The following TBCE variants were observed in gnomAD, a reference collection of about 807,000 sequenced individuals.
TBCE encodes tubulin-specific chaperone E.
A neutral mutation model predicts 77.0 loss-of-function variants in TBCE; 53 were observed. That is an observed-to-expected ratio of 0.69 (90% CI 0.55 to 0.87). The LOEUF (loss-of-function observed/expected upper bound fraction) is 0.87, where lower values mean the gene tolerates loss of function less well. Among genes scored for constraint, TBCE ranks in the 40% least tolerant of loss-of-function variants. The pLI is 0.00. For missense variants in TBCE, 624 were observed against 622.4 expected, an observed-to-expected ratio of 1.00 and a Z score of -0.03; for synonymous variants, 235 against 241.3, an observed-to-expected ratio of 0.97 and a Z score of 0.24.
intron 6 of TBCE, chr1:235,429,447 C>T (rs575814735): frequency 1.1e-3 from 162 of 152,056 alleles, no homozygotes; most frequent in Middle Eastern, 3.4e-3. Flanking sequence ...TTAGCCTGAC[C>T]GTAAAGATGG....
intron 7 of TBCE, among the ~76,000 whole-genome samples, chr1:235,431,550 A>T (rs1042253182): frequency 1.2e-4 from 18 of 151,768 alleles, no homozygotes; most frequent in Non-Finnish European, 2.2e-4. Flanking sequence ...TAGTAGAGAC[A>T]TGGTTTCTCC....
At chr1:235,380,326 C>T (rs1453319824) in intron 2 of TBCE, among the ~76,000 whole-genome samples, 177 bp downstream of exon 2, 2 of 152,000 alleles carry the variant, frequency 1.3e-5, no homozygotes, top group Non-Finnish European at 2.9e-5. Flanking sequence ...ATCTGAGTGA[C>T]AGTATCCTGT....
Position 235,438,828 on chromosome 1 carries a change from G to A in TBCE, c.1176G>A (p.Glu392=), listed in dbSNP as rs1681632490. ...ELDYRKAFGN[E]WKQAGGHKDP... ...ACTACCGAAAAGCTTTTGGAAATGA[G>A]TGGAAACAGGCTGGTGGACATAAGG... Residue 392 remains glutamate, a synonymous_variant, in exon 13 of 17, where the codon GAG becomes GAA. Transcript: ENST00000642610. The A allele has an allele frequency of 6.2e-7, 1 of 1,614,048 alleles. No individual in the cohort carries two copies. Among genetic ancestry groups the A allele is most frequent in the Non-Finnish European group, 8.5e-7 (1 of 1,180,040 alleles).
chr1:235,413,488 C>G (rs1366811129), intron 3 of TBCE, among the ~76,000 whole-genome samples: 1 of 151,762 alleles, frequency 6.6e-6, no homozygotes, highest in African/African-American at 2.4e-5. Flanking sequence ...ATGGTGAAAC[C>G]CTGTCTCTCC....
At chr1:235,423,489 GT>G (rs1221473449) in intron 5 of TBCE, 1 of 152,404 alleles carries the variant, frequency 6.6e-6, no homozygotes, top group Non-Finnish European at 1.5e-5. Flanking sequence ...ATTTAGCGGG[GT>G]TAATGGAAAC....
intron 15 of TBCE, among the ~76,000 whole-genome samples, chr1:235,444,737 C>T (rs771820575): frequency 2.0e-5 from 3 of 152,200 alleles, no homozygotes; most frequent in African/African-American, 4.8e-5. Flanking sequence ...TTTTGGCCTT[C>T]GATGTCTTTG....
chr1:235,435,444 A>G (rs1681384355), intron 8 of TBCE, among the ~76,000 whole-genome samples: 1 of 151,986 alleles, frequency 6.6e-6, no homozygotes, highest in Non-Finnish European at 1.5e-5. Context: ...AGATAATCAT[A>G]TATTCACATG....
At chr1:235,380,226 G>A in intron 2 of TBCE, 77 bp downstream of exon 2, 1 of 1,425,756 alleles carries the variant, frequency 7.0e-7, no homozygotes, top group Non-Finnish European at 9.8e-7. Flanking sequence ...TTTTGCAGCT[G>A]TTTCTGTGTA....
At position 235,436,548 on chromosome 1, in the gene TBCE, C is replaced by T. The variant is rs201375692; in HGVS notation, c.903C>T (p.Cys301=). 19 of 1,613,824 alleles carry T rather than the reference C, an allele frequency of 1.2e-5. No individual in the cohort carries two copies. Among genetic ancestry groups the T allele is most frequent in the Non-Finnish European group, 1.6e-5 (19 of 1,179,810 alleles). ...ACTTCATTCCTCTTTTTATAGGGTG[C>T]AAAACGTCCATGTTCCCATCCTTGA... is the stretch of plus-strand genomic sequence containing the variant. ...SLHFPDAGIG[C]KTSMFPSLKY... Residue 301 remains cysteine (C), a synonymous_variant, in exon 11 of 17, where the codon TGC becomes TGT. Coordinates refer to ENST00000642610, the MANE Select transcript of TBCE (RefSeq NM_003193.5).
chr1:235,369,850 CG>C (rs1676801337), intron 1 of TBCE, among the ~76,000 whole-genome samples: 1 of 151,588 alleles, frequency 6.6e-6, no homozygotes, highest in African/African-American at 2.4e-5. Flanking sequence ...AAAAAAAAGC[CG>C]AAGTCTTCAG....
intron 4 of TBCE, chr1:235,418,348 T>G (rs1188916213): frequency 6.6e-6 from 1 of 152,178 alleles, no homozygotes; most frequent in Non-Finnish European, 1.5e-5. Context: ...GGCACAGAGG[T>G]GCTAATTCAC....
chr1:235,377,272 C>T (rs1368032763), intron 1 of TBCE, among the ~76,000 whole-genome samples: 2 of 152,192 alleles, frequency 1.3e-5, no homozygotes, highest in Admixed American at 6.5e-5. Flanking sequence ...CTCTGCCTCC[C>T]GCATTCAAGT....
intron 1 of TBCE, among the ~76,000 whole-genome samples, chr1:235,370,120 C>T (rs1266110680): frequency 2.6e-4 from 39 of 152,052 alleles, no homozygotes; most frequent in Non-Finnish European, 1.3e-4. Flanking sequence ...CCATTGCACT[C>T]GTTATCCTTG....
chr1:235,442,968 G>A, intron 15 of TBCE, 57 bp downstream of exon 15: 2 of 1,572,910 alleles, frequency 1.3e-6, no homozygotes, highest in Non-Finnish European at 1.7e-6. Flanking sequence ...CTAGGTATGA[G>A]TCAGCTAAAA....
chr1:235,422,203 T>C (rs949259228), intron 5 of TBCE, among the ~76,000 whole-genome samples: 1 of 152,226 alleles, frequency 6.6e-6, no homozygotes, highest in Non-Finnish European at 1.5e-5. Flanking sequence ...GGCCTATTCC[T>C]AAACTATTTC....
intron 3 of TBCE, among the ~76,000 whole-genome samples, chr1:235,403,912 T>C (rs1679263879): frequency 6.6e-6 from 1 of 152,242 alleles, no homozygotes; most frequent in Non-Finnish European, 1.5e-5. Flanking sequence ...TACAGCATGT[T>C]ACTGTGCTGA....
chr1:235,395,299 T>C (rs1678654916), intron 2 of TBCE, among the ~76,000 whole-genome samples: 2 of 152,182 alleles, frequency 1.3e-5, no homozygotes, highest in South Asian at 4.1e-4. Flanking sequence ...TAATACATAA[T>C]AATCACATCT....
chr1:235,437,032 G>C (rs1465807076), intron 11 of TBCE, among the ~76,000 whole-genome samples: 1 of 152,176 alleles, frequency 6.6e-6, no homozygotes, highest in Non-Finnish European at 1.5e-5. Context: ...GGGAGGCTGA[G>C]GCAGGAGAAT....
Position 235,449,946 on chromosome 1 carries a change from T to A in TBCE, c.*1184T>A. 1 of 311,772 alleles carries A rather than the reference T, an allele frequency of 3.2e-6. No individual in the cohort carries two copies. The highest frequency in any genetic ancestry group is 5.9e-6 in the Non-Finnish European group (1 of 168,550). 19.3% of individuals were successfully genotyped at this position (311,772 alleles called of 1,614,324 possible). A position where few individuals can be genotyped will look rare whatever the true frequency, so the allele number is the denominator to read the frequency against. ...CATCAGGATTTAGAAATATTTTTTCTTTTATAAAATAACTTGGTATTTTTC... is the reference window on the plus strand; with the variant it reads ...CATCAGGATTTAGAAATATTTTTTCATTTATAAAATAACTTGGTATTTTTC... On this transcript the variant is annotated 3_prime_UTR_variant, in exon 17 of 17. Coordinates refer to ENST00000642610, the MANE Select transcript of TBCE (RefSeq NM_003193.5).
Sources: allele counts gnomAD v4.1 joint callset (sites outside exome capture counted in the v4.1 genomes callset), GRCh38; gene constraint gnomAD v4.1.1; transcripts MANE v1.5; gene names NCBI Gene and HGNC (gene_info 2026-07-23, HGNC 2026-07-21).